The following IL1RAPL1 variants were observed in gnomAD, a reference collection of about 807,000 sequenced individuals.
IL1RAPL1 encodes interleukin 1 receptor accessory protein like 1, also known as interleukin-1 receptor accessory protein-like 1.
Under a neutral mutation model 48.4 loss-of-function variants are expected in IL1RAPL1, and 3 were observed. The observed-to-expected ratio is 0.06, with a 90% confidence interval of 0.03 to 0.16. The LOEUF is 0.16. Ranked by LOEUF, IL1RAPL1 falls within the 10% of genes least tolerant of loss-of-function variation. The pLI is 1.00. For missense variants in IL1RAPL1, 349 were observed against 530.6 expected, an observed-to-expected ratio of 0.66 and a Z score of 3.36; for synonymous variants, 185 against 187.7, an observed-to-expected ratio of 0.99 and a Z score of 0.12.
intron 6 of IL1RAPL1, among the ~76,000 whole-genome samples, chrX:29,895,962 G>C (rs1213823888): frequency 8.9e-6 from 1 of 111,893 alleles, no homozygotes; most frequent in Non-Finnish European, 1.9e-5. Flanking sequence ...ACATTCCCTA[G>C]GTGCGTGGAG....
chrX:28,989,832 T>G (rs1271984513), intron 2 of IL1RAPL1, among the ~76,000 whole-genome samples: 1 of 111,690 alleles, frequency 9.0e-6, no homozygotes, highest in African/African-American at 3.3e-5. Flanking sequence ...AAGAATAAAA[T>G]TTTCTTAAAA....
intron 2 of IL1RAPL1, among the ~76,000 whole-genome samples, chrX:29,014,197 A>T (rs1415706972): frequency 9.0e-6 from 1 of 111,566 alleles, no homozygotes; most frequent in African/African-American, 3.3e-5. Flanking sequence ...GCCTCTTCTT[A>T]CTTTTTTTGT....
At chrX:29,523,828 T>G (rs1382094819) in intron 5 of IL1RAPL1, among the ~76,000 whole-genome samples, 1 of 111,705 alleles carries the variant, frequency 9.0e-6, no homozygotes, top group Non-Finnish European at 1.9e-5. Flanking sequence ...TGCTCAGTTC[T>G]TCTAACTGTG....
At chrX:29,792,688 T>G (rs911988067) in intron 6 of IL1RAPL1, among the ~76,000 whole-genome samples, 1 of 111,173 alleles carries the variant, frequency 9.0e-6, no homozygotes, top group Non-Finnish European at 1.9e-5. Context: ...AAGGCCGGTG[T>G]TAGTCTAACC....
At chrX:29,539,790 A>G (rs1052171932) in intron 5 of IL1RAPL1, among the ~76,000 whole-genome samples, 8 of 111,347 alleles carry the variant, frequency 7.2e-5, no homozygotes, top group Non-Finnish European at 1.5e-4. Context: ...AGAAGCCACT[A>G]TGCTTCCTGT....
chrX:29,098,687 G>C (rs1928267616), intron 2 of IL1RAPL1, among the ~76,000 whole-genome samples: 1 of 111,775 alleles, frequency 8.9e-6, no homozygotes, highest in South Asian at 3.7e-4. Context: ...AGTTTGAGAA[G>C]CACTGTGTTG....
chrX:28,839,795 G>A (rs986152575), intron 2 of IL1RAPL1, among the ~76,000 whole-genome samples: 1 of 110,901 alleles, frequency 9.0e-6, no homozygotes, highest in Admixed American at 9.6e-5. Context: ...AACTCAGGAT[G>A]TAAGCCTGAC....
At chrX:29,857,866 G>T (rs1931503855) in intron 6 of IL1RAPL1, among the ~76,000 whole-genome samples, 1 of 111,772 alleles carries the variant, frequency 8.9e-6, no homozygotes, top group Non-Finnish European at 1.9e-5. Context: ...GGGAGACAAA[G>T]AGTTATTTTC....
intron 1 of IL1RAPL1, among the ~76,000 whole-genome samples, chrX:28,740,663 A>G (rs768558543): frequency 2.3e-4 from 25 of 110,436 alleles, no homozygotes; most frequent in Non-Finnish European, 3.4e-4. Context: ...TCCACCCTCA[A>G]CTAGGCCCCA....
chrX:29,341,990 C>G (rs58603064), intron 3 of IL1RAPL1, among the ~76,000 whole-genome samples: 15,865 of 108,900 alleles, frequency 0.15, 898 homozygotes, highest in African/African-American at 0.21. Flanking sequence ...TATATTTTTA[C>G]TAGAGACGGG....
At chrX:29,232,197 TTTC>T (rs1172598189) in intron 2 of IL1RAPL1, among the ~76,000 whole-genome samples, 2 of 112,076 alleles carry the variant, frequency 1.8e-5, no homozygotes, top group South Asian at 3.7e-4. Context: ...AAAAAAATAA[TTTC>T]TTATTTTATA....
chrX:29,176,529 C>T (rs1166046168), intron 2 of IL1RAPL1, among the ~76,000 whole-genome samples: 11 of 110,763 alleles, frequency 9.9e-5, no homozygotes, highest in African/African-American at 3.3e-4. Flanking sequence ...TATAAATGCA[C>T]TTACTATGGA....
At chrX:29,915,123 G>A (rs1256608374) in intron 6 of IL1RAPL1, among the ~76,000 whole-genome samples, 4 of 111,841 alleles carry the variant, frequency 3.6e-5, no homozygotes, top group Non-Finnish European at 5.6e-5. Flanking sequence ...GTGAAACCCC[G>A]TCTCTACTAA....
chrX:29,891,416 C>T (rs1932274391), intron 6 of IL1RAPL1, among the ~76,000 whole-genome samples: 1 of 111,515 alleles, frequency 9.0e-6, no homozygotes. Flanking sequence ...CACTATTAGT[C>T]TTCACTGACA....
chrX:28,823,818 C>T lies in IL1RAPL1; in HGVS notation c.82+34393C>T, dbSNP rs192894047. On this transcript the variant is annotated intron_variant, in intron 2 of 10. Transcript: ENST00000378993. The stretch of plus-strand genomic sequence containing the variant: ...CTTGCCTCCCTGATCACATTGGGAA[C>T]ACTGGAAGAATCCAGAATAATCTTC... 4.8e-3 allele frequency among the ~76,000 whole-genome samples: 536 copies of T among 111,393 alleles called. 5 individuals are homozygous for T. The highest frequency in any genetic ancestry group is 0.016 in the African/African-American group (495 of 30,722).
At chrX:29,093,754 G>A (rs1249149315) in intron 2 of IL1RAPL1, among the ~76,000 whole-genome samples, 4 of 112,095 alleles carry the variant, frequency 3.6e-5, no homozygotes, top group Non-Finnish European at 7.5e-5. Flanking sequence ...CAGACAAGGT[G>A]AAGTGATTTG....
At chrX:29,397,104 T>C (rs1182487525) in intron 4 of IL1RAPL1, among the ~76,000 whole-genome samples, 2 of 112,384 alleles carry the variant, frequency 1.8e-5, no homozygotes, top group African/African-American at 6.4e-5. Flanking sequence ...TTTAAGCTTG[T>C]TTATACAATA....
intron 3 of IL1RAPL1, among the ~76,000 whole-genome samples, chrX:29,355,148 G>A (rs768822178): frequency 5.4e-4 from 61 of 112,040 alleles, no homozygotes; most frequent in African/African-American, 7.7e-4. Context: ...GAAAATTTAC[G>A]TTATAAGTGT....
intron 2 of IL1RAPL1, among the ~76,000 whole-genome samples, chrX:29,046,356 A>T (rs1926971709): frequency 9.0e-6 from 1 of 111,576 alleles, no homozygotes; most frequent in Non-Finnish European, 1.9e-5. Context: ...TGGCCATATC[A>T]TTGGATTTGT....
Sources: gnomAD v4.1 joint callset for allele counts (sites outside exome capture counted in the v4.1 genomes callset) on GRCh38, gnomAD v4.1.1 for gene constraint, MANE v1.5 for transcripts, NCBI Gene and HGNC (gene_info 2026-07-23, HGNC 2026-07-21) for gene names.